Variants in ETV6 observed in about 807,000 individuals in gnomAD.
The protein encoded by ETV6 is transcription factor ETV6.
Under a neutral mutation model 51.1 loss-of-function variants are expected in ETV6, and 16 were observed. The ratio of observed to expected loss-of-function variants is 0.31; its 90% CI spans 0.21 to 0.48. The LOEUF (loss-of-function observed/expected upper bound fraction) is 0.48. Ranked by LOEUF, ETV6 falls within the 20% of genes least tolerant of loss-of-function variation. The pLI is 0.99. For synonymous variants in ETV6, 240 were observed against 224.1 expected, an observed-to-expected ratio of 1.07 and a Z score of -0.64; for missense variants, 458 against 594.8, an observed-to-expected ratio of 0.77 and a Z score of 2.39.
chr12:11,650,267 C>A, intron 1 of ETV6, 107 bp downstream of exon 1: 1 of 999,822 alleles, frequency 1.0e-6, no homozygotes, highest in Non-Finnish European at 1.6e-6. Context: ...GCTCTGTTCG[C>A]AGGAAATTAT....
chr12:11,886,019 T>TTGTTCA lies in ETV6; in HGVS notation c.1247_1252dup (p.Phe417_Arg418insMetPhe). The TTGTTCA allele has an allele frequency of 6.2e-7, 1 of 1,611,268 alleles. No homozygotes were observed. Among genetic ancestry groups the TTGTTCA allele is most frequent in the Non-Finnish European group, 8.5e-7 (1 of 1,177,468 alleles). ...CAGGAAGGAGCCAGGACAAAGGCTTTTGTTCAGGTAGCACTTCCTTTTTCT... is the reference window on the plus strand; with the variant it reads ...CAGGAAGGAGCCAGGACAAAGGCTTTTGTTCATGTTCAGGTAGCACTTCCTTTTTCT... On this transcript the variant is annotated inframe_insertion, in exon 7 of 8. Coordinates refer to ENST00000396373, the MANE Select transcript of ETV6 (RefSeq NM_001987.5).
chr12:11,809,948 T>C (rs955914810), intron 2 of ETV6, among the ~76,000 whole-genome samples: 1 of 151,096 alleles, frequency 6.6e-6, no homozygotes, highest in Non-Finnish European at 1.5e-5. Flanking sequence ...GCCTCCTGAG[T>C]AGCTGGGACT....
At chr12:11,696,609 G>A (rs1206319564) in intron 1 of ETV6, among the ~76,000 whole-genome samples, 1 of 152,120 alleles carries the variant, frequency 6.6e-6, no homozygotes, top group Non-Finnish European at 1.5e-5. Flanking sequence ...CTTGAGTCAG[G>A]AGTTCGATAC....
intron 1 of ETV6, among the ~76,000 whole-genome samples, chr12:11,683,898 T>C (rs898480670): frequency 1.3e-5 from 2 of 148,640 alleles, no homozygotes; most frequent in Non-Finnish European, 3.0e-5. Flanking sequence ...TCTGTTTAGC[T>C]TTTTTTTTTC....
chr12:11,791,357 T>C (rs1945586716), intron 2 of ETV6, among the ~76,000 whole-genome samples: 1 of 152,246 alleles, frequency 6.6e-6, no homozygotes, highest in African/African-American at 2.4e-5. Context: ...CTCTGATGAA[T>C]GTTGACAGTC....
chr12:11,672,332 T>A (rs1475923597), intron 1 of ETV6, among the ~76,000 whole-genome samples: 1 of 152,094 alleles, frequency 6.6e-6, no homozygotes, highest in Non-Finnish European at 1.5e-5. Flanking sequence ...AAGCATTTCA[T>A]CCTCCAAATA....
chr12:11,879,394 C>T (rs1168999863), intron 5 of ETV6, among the ~76,000 whole-genome samples: 3 of 152,188 alleles, frequency 2.0e-5, no homozygotes, highest in Non-Finnish European at 4.4e-5. Flanking sequence ...TTTTGTCTAG[C>T]GTGGTTTTTT....
rs142704051 is a variant in ETV6, at chr12:11,877,310, T to C, written c.1010-7135T>C. Among the ~76,000 whole-genome samples the C allele has an allele frequency of 6.8e-4, 103 of 152,012 alleles. 1 individual carries two copies. Among genetic ancestry groups the C allele is most frequent in the Middle Eastern group, 3.4e-3 (1 of 294 alleles). ...CAAAGGAAGCCTATAGACTTTTTTT[T>C]TTTTTTTTAATTTTGTACATGAGCC... On this transcript the variant is annotated intron_variant, in intron 5 of 7. Transcript: ENST00000396373.
At chr12:11,842,407 TACACACACACACACAC>T (rs6144615) in intron 3 of ETV6, among the ~76,000 whole-genome samples, 56,326 of 147,892 alleles carry the variant, frequency 0.38, 10,879 homozygotes, top group East Asian at 0.67. Flanking sequence ...TTGACACAGA[TACACACACACACACAC>T]ACACACACAC....
intron 2 of ETV6, among the ~76,000 whole-genome samples, chr12:11,788,755 G>GTTTTTTTTTTTTTTTTTTT (rs1565526404): frequency 1.0e-5 from 1 of 96,720 alleles, no homozygotes; most frequent in Non-Finnish European, 2.3e-5. Flanking sequence ...TGCTTGTATT[G>GTTTTTTTTTTTTTTTTTTT]GTTTTTTTTT....
chr12:11,861,981 C>T (rs1472414922), intron 4 of ETV6, among the ~76,000 whole-genome samples: 1 of 152,134 alleles, frequency 6.6e-6, no homozygotes. Flanking sequence ...GTCTGCAGCC[C>T]CGACTGTGAG....
chr12:11,684,267 C>T (rs533856456), intron 1 of ETV6, among the ~76,000 whole-genome samples: 164 of 152,348 alleles, frequency 1.1e-3, no homozygotes, highest in Non-Finnish European at 1.9e-3. Context: ...CTCTAACAAT[C>T]CGCTTCTGCC....
chr12:11,824,813 T>A (rs148857496), intron 2 of ETV6, among the ~76,000 whole-genome samples: 108 of 152,248 alleles, frequency 7.1e-4, no homozygotes, highest in African/African-American at 2.6e-3. Flanking sequence ...AGCAGAGACT[T>A]AGATGCAAGG....
At chr12:11,880,341 G>C (rs1325065019) in intron 5 of ETV6, among the ~76,000 whole-genome samples, 1 of 152,202 alleles carries the variant, frequency 6.6e-6, no homozygotes, top group African/African-American at 2.4e-5. Context: ...ATTTATGAAA[G>C]GAAAAGTTTG....
chr12:11,703,287 T>C (rs1456342793), intron 1 of ETV6, among the ~76,000 whole-genome samples: 1 of 150,638 alleles, frequency 6.6e-6, no homozygotes, highest in African/African-American at 2.4e-5. Flanking sequence ...AAAATCATCT[T>C]TTGTTAACCT....
chr12:11,790,586 C>T (rs570002177), intron 2 of ETV6, among the ~76,000 whole-genome samples: 2 of 151,816 alleles, frequency 1.3e-5, no homozygotes, highest in Admixed American at 6.6e-5. Flanking sequence ...GTAGGGGGCA[C>T]AGTGAGCACA....
intron 4 of ETV6, among the ~76,000 whole-genome samples, chr12:11,865,302 A>G (rs1273253050): frequency 2.6e-5 from 4 of 151,926 alleles, no homozygotes; most frequent in African/African-American, 9.7e-5. Context: ...AAAAGACTAT[A>G]AAATCATAAT....
intron 2 of ETV6, among the ~76,000 whole-genome samples, chr12:11,823,191 G>T (rs903298830): frequency 1.3e-5 from 2 of 152,144 alleles, no homozygotes; most frequent in African/African-American, 4.8e-5. Context: ...CTCCTCCTAA[G>T]GGCTTGCATG....
At chr12:11,712,892 G>A (rs34942088) in intron 1 of ETV6, among the ~76,000 whole-genome samples, 13,060 of 152,188 alleles carry the variant, frequency 0.086, 1,242 homozygotes, top group African/African-American at 0.24. Flanking sequence ...AGCTGCAGGC[G>A]TGCACGGAGG....
Sources: gnomAD v4.1 joint callset for allele counts (sites outside exome capture counted in the v4.1 genomes callset) on GRCh38, gnomAD v4.1.1 for gene constraint, MANE v1.5 for transcripts, NCBI Gene and HGNC (gene_info 2026-07-23, HGNC 2026-07-21) for gene names.